COG6: variants seen among roughly 807,000 people sequenced by gnomAD.
The protein encoded by COG6 is component of oligomeric golgi complex 6, also known as conserved oligomeric Golgi complex subunit 6.
In COG6, 74 loss-of-function variants were observed where a neutral mutation model predicts 88.8. That is an observed-to-expected ratio of 0.83 (90% CI 0.69 to 1.01). The LOEUF is 1.01. Ranked by LOEUF, COG6 falls within the 50% of genes least tolerant of loss-of-function variation. The pLI is 0.00. For missense variants in COG6, 800 were observed against 797.9 expected, an observed-to-expected ratio of 1.00 and a Z score of -0.03; for synonymous variants, 286 against 278.7, an observed-to-expected ratio of 1.03 and a Z score of -0.26.
chr13:39,724,755 T>G (rs1268038049), intron 17 of COG6, among the ~76,000 whole-genome samples, 194 bp downstream of exon 17: 2 of 151,920 alleles, frequency 1.3e-5, no homozygotes, highest in Non-Finnish European at 2.9e-5. Context: ...ACATTCATAG[T>G]AGTGTTCCAC....
intron 4 of COG6, among the ~76,000 whole-genome samples, chr13:39,667,352 C>G (rs995684958): frequency 6.6e-6 from 1 of 152,126 alleles, no homozygotes; most frequent in East Asian, 1.9e-4. Flanking sequence ...CACTTTTACC[C>G]GTTGTGTGTT....
chr13:39,773,509 A>T (rs1008815841), intron 18 of COG6, among the ~76,000 whole-genome samples: 10 of 152,238 alleles, frequency 6.6e-5, no homozygotes, highest in African/African-American at 2.4e-4. Flanking sequence ...GAACAAGAGG[A>T]AAACAAAAGC....
chr13:39,763,221 T>G (rs1355977001), intron 18 of COG6, among the ~76,000 whole-genome samples: 1 of 151,784 alleles, frequency 6.6e-6, no homozygotes, highest in Admixed American at 6.6e-5. Context: ...CTTGCTAAAT[T>G]TACTTATTAA....
At chr13:39,778,591 A>T (rs1297906942) in intron 18 of COG6, among the ~76,000 whole-genome samples, 2 of 152,248 alleles carry the variant, frequency 1.3e-5, no homozygotes, top group Non-Finnish European at 2.9e-5. Flanking sequence ...GCCACTTAGA[A>T]GCTGTATTAG....
intron 1 of COG6, 69 bp from the exon 2 acceptor site, chr13:39,659,294 AT>A (rs1375824616): frequency 7.1e-6 from 10 of 1,400,688 alleles, no homozygotes; most frequent in Middle Eastern, 1.9e-4. Flanking sequence ...ATTTCATTAC[AT>A]TTTGTCTTGA....
intron 13 of COG6, among the ~76,000 whole-genome samples, chr13:39,715,346 A>G (rs993111826): frequency 1.3e-5 from 2 of 152,088 alleles, no homozygotes; most frequent in Non-Finnish European, 2.9e-5. Flanking sequence ...AAAATTACAC[A>G]TTAAACATTT....
At chr13:39,746,105 A>G (rs1234511441) in intron 18 of COG6, among the ~76,000 whole-genome samples, 12 of 152,052 alleles carry the variant, frequency 7.9e-5, no homozygotes, top group Non-Finnish European at 1.3e-4. Context: ...TAGGGGAGGG[A>G]TAGCATTAGG....
At position 39,751,557 on chromosome 13, in the gene COG6, C is replaced by T. The variant is rs746128743; in HGVS notation, c.*464C>T. 6 of 1,287,102 alleles carry T rather than the reference C, an allele frequency of 4.7e-6. No homozygotes were observed. In the South Asian group the frequency reaches 7.4e-5, roughly 16 times the overall value. The allele number at this position is 1,287,102 out of a possible 1,614,324, so 79.7% of individuals were successfully genotyped here. On this transcript the variant is annotated 3_prime_UTR_variant, in exon 19 of 19. Coordinates refer to ENST00000455146, the MANE Select transcript of COG6 (RefSeq NM_020751.3). Reference sequence around the variant, plus strand: ...AGGCATACTTAGTAGCTTTTCTGAACCTAGCCTATGTCTCTGTCCCCAAAA... The same window carrying T: ...AGGCATACTTAGTAGCTTTTCTGAATCTAGCCTATGTCTCTGTCCCCAAAA...
intron 3 of COG6, 94 bp downstream of exon 3, chr13:39,660,975 C>T: frequency 2.6e-6 from 2 of 765,484 alleles, no homozygotes; most frequent in Non-Finnish European, 4.6e-6. Flanking sequence ...TCCATAATGC[C>T]CTGTAGGAAA....
At chr13:39,707,747 G>T (rs1048026736) in intron 13 of COG6, among the ~76,000 whole-genome samples, 2 of 152,048 alleles carry the variant, frequency 1.3e-5, no homozygotes, top group African/African-American at 2.4e-5. Flanking sequence ...TAATTGTTGT[G>T]TAGTAATTTC....
At chr13:39,773,603 A>G (rs1027461381) in intron 18 of COG6, among the ~76,000 whole-genome samples, 4 of 152,204 alleles carry the variant, frequency 2.6e-5, no homozygotes, top group Non-Finnish European at 4.4e-5. Context: ...GAGTTACTCT[A>G]TTTAGAGAGA....
intron 3 of COG6, among the ~76,000 whole-genome samples, chr13:39,661,965 T>C (rs1215419556): frequency 6.6e-6 from 1 of 151,874 alleles, no homozygotes; most frequent in African/African-American, 2.4e-5. Context: ...GTTTCTGATC[T>C]TTAGTGATAG....
At chr13:39,700,043 A>G (rs1361144282) in intron 13 of COG6, among the ~76,000 whole-genome samples, 1 of 151,858 alleles carries the variant, frequency 6.6e-6, no homozygotes, top group Non-Finnish European at 1.5e-5. Flanking sequence ...TGAGTTATAT[A>G]ATTATTTATG....
intron 11 of COG6, among the ~76,000 whole-genome samples, chr13:39,692,065 A>C (rs767830514): frequency 1.3e-5 from 2 of 152,036 alleles, no homozygotes; most frequent in Non-Finnish European, 2.9e-5. Flanking sequence ...TTGTCTTAGT[A>C]AAGTGAAACA....
At chr13:39,718,659 G>A (rs1878668630) in intron 13 of COG6, among the ~76,000 whole-genome samples, 1 of 152,044 alleles carries the variant, frequency 6.6e-6, no homozygotes, top group South Asian at 2.1e-4. Context: ...AACTTAATGT[G>A]TTTAACTCTA....
chr13:39,715,619 A>G (rs1878486196), intron 13 of COG6, among the ~76,000 whole-genome samples: 1 of 152,102 alleles, frequency 6.6e-6, no homozygotes, highest in African/African-American at 2.4e-5. Flanking sequence ...ATGTATATGC[A>G]TGCACATATA....
chr13:39,779,985 TGATG>T (rs1195092946), intron 18 of COG6, among the ~76,000 whole-genome samples: 4 of 152,234 alleles, frequency 2.6e-5, no homozygotes, highest in Admixed American at 6.5e-5. Flanking sequence ...AGAAACTTGC[TGATG>T]GATGAAGAAT....
intron 1 of COG6, among the ~76,000 whole-genome samples, chr13:39,657,546 CAGTA>C (rs1566166469): frequency 6.6e-6 from 1 of 150,992 alleles, no homozygotes; most frequent in African/African-American, 2.4e-5. Context: ...TTTTTCTGTA[CAGTA>C]AGTATTTATA....
intron 13 of COG6, among the ~76,000 whole-genome samples, chr13:39,714,196 T>TA (rs2138065040): frequency 6.7e-6 from 1 of 149,532 alleles, no homozygotes; most frequent in African/African-American, 2.4e-5. Flanking sequence ...GTTTGGCAAT[T>TA]AAAAATCTCT....
Sources: gnomAD v4.1 joint callset for allele counts (sites outside exome capture counted in the v4.1 genomes callset) on GRCh38, gnomAD v4.1.1 for gene constraint, MANE v1.5 for transcripts, NCBI Gene and HGNC (gene_info 2026-07-23, HGNC 2026-07-21) for gene names.